Variants in AXIN1 observed in about 807,000 individuals in gnomAD.
AXIN1 encodes axin-1.
In AXIN1, 30 loss-of-function variants were observed where a neutral mutation model predicts 76.4. That is an observed-to-expected ratio of 0.39 (90% CI 0.29 to 0.53). The LOEUF (loss-of-function observed/expected upper bound fraction) is 0.53, where lower values mean the gene tolerates loss of function less well. AXIN1 is among the 20% of genes least tolerant of loss of function. AXIN1 has a pLI of 0.66. For synonymous variants in AXIN1, 545 were observed against 501.4 expected, an observed-to-expected ratio of 1.09 and a Z score of -1.16; for missense variants, 1,140 against 1,198.8, an observed-to-expected ratio of 0.95 and a Z score of 0.72.
intron 9 of AXIN1, chr16:290,837 C>G (rs577606078): frequency 4.2e-5 from 17 of 405,948 alleles, no homozygotes; most frequent in Non-Finnish European, 7.5e-5. Context: ...CAAGTCAGGC[C>G]TGGCAGGGAC....
In AXIN1 at chr16:293,291, C is replaced by G; in HGVS notation, c.2186+197G>C. On this transcript the variant is annotated intron_variant, in intron 8 of 10. Coordinates refer to ENST00000262320, the MANE Select transcript of AXIN1 (RefSeq NM_003502.4). The surrounding 1 kb of genome is among the most constrained non-coding windows in gnomAD (Gnocchi z 4.6). ...CCTCGGGTGTGTGAAAGCTCCAGCCCCAGCCTCCGTCCACCGCAGGGTGGC... is the reference window on the plus strand; with the variant it reads ...CCTCGGGTGTGTGAAAGCTCCAGCCGCAGCCTCCGTCCACCGCAGGGTGGC... 1 of 626,550 alleles carries G rather than the reference C, an allele frequency of 1.6e-6. No homozygotes were observed. The highest frequency in any genetic ancestry group is 2.8e-6 in the Non-Finnish European group (1 of 360,164). 38.8% of individuals were successfully genotyped at this position (626,550 alleles called of 1,614,324 possible).
chr16:327,572 G>A (rs2053610178), intron 2 of AXIN1, among the ~76,000 whole-genome samples: 1 of 152,234 alleles, frequency 6.6e-6, no homozygotes, highest in Non-Finnish European at 1.5e-5. Context: ...AGTGACGATA[G>A]GGAGGGTGTG....
chr16:315,512 C>T (rs2053279138), intron 2 of AXIN1, among the ~76,000 whole-genome samples: 1 of 152,126 alleles, frequency 6.6e-6, no homozygotes, highest in Admixed American at 6.6e-5. Flanking sequence ...TGATTTTGGT[C>T]AAACAAAATT....
chr16:287,887 C>T lies in AXIN1; in HGVS notation c.*235G>A, dbSNP rs990036889. 93 of 641,884 alleles carry T rather than the reference C, an allele frequency of 1.4e-4. No homozygotes were observed. Among genetic ancestry groups the T allele is most frequent in the Non-Finnish European group, 2.3e-4 (85 of 372,654 alleles). 39.8% of individuals were successfully genotyped at this position (641,884 alleles called of 1,614,324 possible). A position where few individuals can be genotyped will look rare whatever the true frequency, so the allele number is the denominator to read the frequency against. On this transcript the variant is annotated 3_prime_UTR_variant, in exon 11 of 11. Coordinates refer to ENST00000262320, the MANE Select transcript of AXIN1 (RefSeq NM_003502.4). ...TCGGCTGCCTCACTTGGGCTGGGCC[C>T]TCCAAGTATTGCTATGAGGAGTGGT...
chr16:318,536 T>C lies in AXIN1; in HGVS notation c.879-3853A>G, dbSNP rs1336425363. On this transcript the variant is annotated intron_variant, in intron 2 of 10. Transcript: ENST00000262320. ...AGACACAGGCGGCCGGGCTTGGCCT[T>C]CACTACCAGCAGATGCGACCAAGAA... Among the ~76,000 whole-genome samples the C allele has an allele frequency of 2.0e-5, 3 of 152,102 alleles. No homozygotes were observed. The East Asian group carries it at 5.8e-4, about 29-fold the overall frequency.
intron 2 of AXIN1, among the ~76,000 whole-genome samples, chr16:340,974 G>A (rs1360119184): frequency 1.3e-5 from 2 of 152,260 alleles, no homozygotes; most frequent in Non-Finnish European, 2.9e-5. Context: ...CCCACCGCAG[G>A]GGATGAGCGA....
chr16:304,290 C>T lies in AXIN1; in HGVS notation c.1254+14G>A, dbSNP rs752785452. On this transcript the variant is annotated intron_variant, in intron 5 of 10. Transcript: ENST00000262320. ...ACACCGACGCGGAGCGCGACACCGACGCGGCCCACTCACCATGCGCACGCG... is the reference window on the plus strand; with the variant it reads ...ACACCGACGCGGAGCGCGACACCGATGCGGCCCACTCACCATGCGCACGCG... The T allele has an allele frequency of 1.7e-5, 28 of 1,610,458 alleles. No individual in the cohort carries two copies. Among genetic ancestry groups the T allele is most frequent in the East Asian group, 1.6e-4 (7 of 44,878 alleles).
chr16:300,368 CT>C (rs35422382), intron 5 of AXIN1, among the ~76,000 whole-genome samples: 16 of 149,156 alleles, frequency 1.1e-4, no homozygotes, highest in South Asian at 2.1e-4. Context: ...TTTTCTTTTT[CT>C]TTTTTTTTTG....
intron 3 of AXIN1, among the ~76,000 whole-genome samples, chr16:312,062 T>C (rs1021592646): frequency 7.2e-5 from 11 of 152,192 alleles, no homozygotes; most frequent in Admixed American, 3.9e-4. Context: ...TCGGGGTTTG[T>C]TGAAGTGTCC....
chr16:301,267 C>T (rs1372079592), intron 5 of AXIN1, among the ~76,000 whole-genome samples: 1 of 149,010 alleles, frequency 6.7e-6, no homozygotes, highest in East Asian at 1.9e-4. Flanking sequence ...CGAGACTCTG[C>T]CTCAAAAAAC....
At position 293,105 on chromosome 16, in the gene AXIN1, G is replaced by A. The variant is rs1596979394; in HGVS notation, c.2186+383C>T. On this transcript the variant is annotated intron_variant, in intron 8 of 10. Transcript: ENST00000262320. The surrounding 1 kb of genome is among the most constrained non-coding windows in gnomAD (Gnocchi z 4.6). ...GGGACGCAACTGTCAAGAGGCAGCC[G>A]CCATGCCTCCAGGACCTCTGCCCTA... 3.4e-6 allele frequency: 1 copy of A among 291,886 alleles called. No homozygotes were observed. Among genetic ancestry groups the A allele is most frequent in the Non-Finnish European group, 6.5e-6 (1 of 153,328 alleles). 18.1% of individuals were successfully genotyped at this position (291,886 alleles called of 1,614,324 possible).
At chr16:331,263 A>T (rs183689638) in intron 2 of AXIN1, among the ~76,000 whole-genome samples, 2 of 152,318 alleles carry the variant, frequency 1.3e-5, no homozygotes, top group Non-Finnish European at 2.9e-5. Flanking sequence ...AATTCTGTAC[A>T]TGAAGCACTC....
intron 2 of AXIN1, among the ~76,000 whole-genome samples, chr16:345,447 G>A (rs906962265): frequency 9.2e-5 from 14 of 152,228 alleles, no homozygotes; most frequent in Admixed American, 5.9e-4. Context: ...GGATGCGGCG[G>A]CTCACGCCTG....
intron 2 of AXIN1, among the ~76,000 whole-genome samples, chr16:319,829 TA>T (rs1462551823): frequency 1.3e-5 from 2 of 152,194 alleles, no homozygotes; most frequent in Non-Finnish European, 2.9e-5. Flanking sequence ...TTTTTCCTTT[TA>T]ATGAGGCTGT....
Position 293,815 on chromosome 16 carries a change from G to A in AXIN1, c.1956-97C>T. 8.5e-7 allele frequency: 1 copy of A among 1,180,958 alleles called. No individual in the cohort carries two copies. The highest frequency in any genetic ancestry group is 1.3e-6 in the Non-Finnish European group (1 of 799,588). The allele number at this position is 1,180,958 out of a possible 1,614,324, so 73.2% of individuals were successfully genotyped here. ...ATCTCACAAGGGCAGCCTCCTTGAG[G>A]GATAGGATGGGATGGGGCACTGGGG... On this transcript the variant is annotated intron_variant, in intron 7 of 10. Transcript: ENST00000262320. This position sits in a 1 kb window ranked among gnomAD's most constrained non-coding sequence, Gnocchi z 4.6.
At chr16:326,370 A>ATATATATATATATATATATATATAT (rs1415761664) in intron 2 of AXIN1, among the ~76,000 whole-genome samples, 6 of 93,022 alleles carry the variant, frequency 6.5e-5, no homozygotes, top group African/African-American at 3.7e-4. Flanking sequence ...AAAAAAAAAA[A>ATATATATATATATATATATATATAT]AAATATATAT....
At chr16:351,353 T>A (rs2054138909) in intron 1 of AXIN1, among the ~76,000 whole-genome samples, 1 of 152,062 alleles carries the variant, frequency 6.6e-6, no homozygotes, top group South Asian at 2.1e-4. Context: ...CTCACGCCTG[T>A]AATCCCAACA....
intron 2 of AXIN1, among the ~76,000 whole-genome samples, chr16:339,717 G>A (rs894258645): frequency 2.0e-5 from 3 of 151,888 alleles, no homozygotes; most frequent in African/African-American, 7.3e-5. Flanking sequence ...TGCTCAAACA[G>A]GGGAAGCAAA....
At chr16:343,490 A>G (rs575955951) in intron 2 of AXIN1, among the ~76,000 whole-genome samples, 86 of 151,018 alleles carry the variant, frequency 5.7e-4, no homozygotes, top group African/African-American at 2.1e-3. Context: ...TCTCTTGAGG[A>G]AAGGAGTTCG....
Sources: gnomAD v4.1 joint callset for allele counts (sites outside exome capture counted in the v4.1 genomes callset) on GRCh38, gnomAD v4.1.1 for gene constraint, Gnocchi (gnomAD v3.1) non-coding constraint, MANE v1.5 for transcripts, NCBI Gene and HGNC (gene_info 2026-07-23, HGNC 2026-07-21) for gene names.